Variants in KCNQ1OT1 observed in about 807,000 individuals in gnomAD.
KCNQ1OT1 encodes the protein KCNQ1 antisense RNA 2 (non-protein coding).
At position 2,682,634 on chromosome 11, in the gene KCNQ1OT1, C is replaced by CT. The variant is rs1443866896; in HGVS notation, n.17360_17361insA. On this transcript the variant is annotated non_coding_transcript_exon_variant, in exon 1 of 1. Coordinates refer to ENST00000597346, the Ensembl canonical transcript of KCNQ1OT1. This position sits in a 1 kb window ranked among gnomAD's most constrained non-coding sequence, Gnocchi z 5.8. ...TTGAGAGCTCTTCTTCAGGCTCAGT[C>CT]ATCCCTGCTTCCCCAGGGCTCATGT... The CT allele has an allele frequency of 7.5e-6, 3 of 398,484 alleles. No homozygotes were observed. Among genetic ancestry groups the CT allele is most frequent in the African/African-American group, 2.1e-5 (1 of 48,602 alleles). 24.7% of individuals were successfully genotyped at this position (398,484 alleles called of 1,614,324 possible).
exon 1 of KCNQ1OT1, chr11:2,692,118 A>G: frequency 2.5e-6 from 1 of 398,658 alleles, no homozygotes; most frequent in Non-Finnish European, 4.4e-6. Flanking sequence ...CCATCATTTT[A>G]TAGCCCACTC....
In KCNQ1OT1 at chr11:2,668,970, G is replaced by C; in HGVS notation, n.31025C>G. ...CACTCCATCTGGGATTGATTTTTGTGTCCAATGTGAGGCCGAGGTCAAGGT... is the reference window on the plus strand; with the variant it reads ...CACTCCATCTGGGATTGATTTTTGTCTCCAATGTGAGGCCGAGGTCAAGGT... On this transcript the variant is annotated non_coding_transcript_exon_variant, in exon 1 of 1. Transcript: ENST00000597346. This position sits in a 1 kb window ranked among gnomAD's most constrained non-coding sequence, Gnocchi z 4.3. The C allele has an allele frequency of 2.5e-6, 1 of 398,566 alleles. No homozygotes were observed. The highest frequency in any genetic ancestry group is 3.6e-5 in the East Asian group (1 of 28,082). The allele number at this position is 398,566 out of a possible 1,614,324, so 24.7% of individuals were successfully genotyped here.
At chr11:2,609,618 T>C (rs986719442) in exon 1 of KCNQ1OT1, 71 of 398,430 alleles carry the variant, frequency 1.8e-4, no homozygotes, top group African/African-American at 1.4e-3. Context: ...GAAAGTGGAG[T>C]GTTGAAGTCT....
In KCNQ1OT1 at chr11:2,676,598, C is replaced by A. The variant is rs1277422680; in HGVS notation, n.23397G>T. On this transcript the variant is annotated non_coding_transcript_exon_variant, in exon 1 of 1. Transcript: ENST00000597346. This position sits in a 1 kb window ranked among gnomAD's most constrained non-coding sequence, Gnocchi z 4.2. ...TACTGGGTATTCAACAGCCAGCTCT[C>A]CAAAGAGGCCTCTAAGAAATGGGTA... 1 of 398,508 alleles carries A rather than the reference C, an allele frequency of 2.5e-6. No homozygotes were observed. Among genetic ancestry groups the A allele is most frequent in the Non-Finnish European group, 4.4e-6 (1 of 226,076 alleles). The allele number at this position is 398,508 out of a possible 1,614,324, so 24.7% of individuals were successfully genotyped here.
rs1009683548 is a variant in KCNQ1OT1 at position 2,674,831 on chromosome 11, TTAAAA to T, written n.25159_25163del. On this transcript the variant is annotated non_coding_transcript_exon_variant, in exon 1 of 1. Transcript: ENST00000597346. This position sits in a 1 kb window ranked among gnomAD's most constrained non-coding sequence, Gnocchi z 5.9. ...GGCTTGTCACCCTAATAGCTGTTTT[TTAAAA>T]AAAAAAAAAAAAAAAAAAAAAAAAG... 35 of 367,652 alleles carry T rather than the reference TTAAAA, an allele frequency of 9.5e-5. No individual in the cohort carries two copies. The highest frequency in any genetic ancestry group is 2.6e-4 in the East Asian group (7 of 26,700). 22.8% of individuals were successfully genotyped at this position (367,652 alleles called of 1,614,324 possible). A position where few individuals can be genotyped will look rare whatever the true frequency, so the allele number is the denominator to read the frequency against.
exon 1 of KCNQ1OT1, chr11:2,650,980 T>C (rs1849748119): frequency 5.0e-6 from 2 of 398,548 alleles, no homozygotes; most frequent in Non-Finnish European, 8.8e-6. Context: ...GTATGTCTTA[T>C]CAACTCTCTG....
chr11:2,675,958 C>A (rs867994213), exon 1 of KCNQ1OT1: 1 of 398,630 alleles, frequency 2.5e-6, no homozygotes. Context: ...ATTCAGAGTA[C>A]AAAAGGGGTG....
chr11:2,696,498 G>T (rs1452471337), exon 1 of KCNQ1OT1: 20 of 398,680 alleles, frequency 5.0e-5, no homozygotes, highest in Middle Eastern at 1.3e-3. Flanking sequence ...GTATCTGCCA[G>T]CAGAAGTCCT....
chr11:2,663,768 G>A lies in KCNQ1OT1; in HGVS notation n.36227C>T. 1 of 398,700 alleles carries A rather than the reference G, an allele frequency of 2.5e-6. No individual in the cohort carries two copies. Among genetic ancestry groups the A allele is most frequent in the Non-Finnish European group, 4.4e-6 (1 of 226,116 alleles). The allele number at this position is 398,700 out of a possible 1,614,324, so 24.7% of individuals were successfully genotyped here. On this transcript the variant is annotated non_coding_transcript_exon_variant, in exon 1 of 1. Transcript: ENST00000597346. This position sits in a 1 kb window ranked among gnomAD's most constrained non-coding sequence, Gnocchi z 5.2. ...AGACCAGGCACTTATGTGGATCACA[G>A]CCAAACTTGCAGCTGCCCAGTAAAT...
rs533874206 is a variant in KCNQ1OT1 at position 2,687,644 on chromosome 11, T to C, written n.12351A>G. On this transcript the variant is annotated non_coding_transcript_exon_variant, in exon 1 of 1. Coordinates refer to ENST00000597346, the Ensembl canonical transcript of KCNQ1OT1. The surrounding 1 kb of genome is among the most constrained non-coding windows in gnomAD (Gnocchi z 5.0). ...CATTCCTCTCAGGCCCCTGTAAAAA[T>C]TGGGACCTGTCCTTGCCAGCCAGGT... 48 of 398,626 alleles carry C rather than the reference T, an allele frequency of 1.2e-4. No individual in the cohort carries two copies. The highest frequency in any genetic ancestry group is 7.2e-4 in the African/African-American group (35 of 48,720). The allele number at this position is 398,626 out of a possible 1,614,324, so 24.7% of individuals were successfully genotyped here.
chr11:2,656,621 A>C (rs1264301806), exon 1 of KCNQ1OT1: 1 of 398,470 alleles, frequency 2.5e-6, no homozygotes, highest in Non-Finnish European at 4.4e-6. Flanking sequence ...TTTTCTATTA[A>C]GTCATTTATA....
chr11:2,660,129 C>T (rs1849925561), exon 1 of KCNQ1OT1: 1 of 398,214 alleles, frequency 2.5e-6, no homozygotes, highest in South Asian at 1.3e-4. Flanking sequence ...ATCCAAGGTC[C>T]TGGAGATTTT....
At chr11:2,694,679 G>A (rs1469846746) in exon 1 of KCNQ1OT1, 2 of 398,518 alleles carry the variant, frequency 5.0e-6, no homozygotes, top group Non-Finnish European at 8.8e-6. Context: ...CTATACGGAA[G>A]ACAGATATGC....
rs1850363646 is a variant in KCNQ1OT1 at position 2,679,975 on chromosome 11, C to T, written n.20020G>A. On this transcript the variant is annotated non_coding_transcript_exon_variant, in exon 1 of 1. Coordinates refer to ENST00000597346, the Ensembl canonical transcript of KCNQ1OT1. The surrounding 1 kb of genome is among the most constrained non-coding windows in gnomAD (Gnocchi z 4.8). ...GTGGCACAGTCTCGGCTTACTGCAA[C>T]CTCTACCTCCTGGGTTCAAGCAATT... is the stretch of plus-strand genomic sequence containing the variant. 2 of 396,918 alleles carry T rather than the reference C, an allele frequency of 5.0e-6. No homozygotes were observed. Among genetic ancestry groups the T allele is most frequent in the Admixed American group, 4.4e-5 (1 of 22,654 alleles). 24.6% of individuals were successfully genotyped at this position (396,918 alleles called of 1,614,324 possible). A position where few individuals can be genotyped will look rare whatever the true frequency, so the allele number is the denominator to read the frequency against.
In KCNQ1OT1 at chr11:2,698,940, T is replaced by A. The variant is rs539935333; in HGVS notation, n.1055A>T. On this transcript the variant is annotated non_coding_transcript_exon_variant, in exon 1 of 1. Transcript: ENST00000597346. The surrounding 1 kb of genome is among the most constrained non-coding windows in gnomAD (Gnocchi z 5.1). ...TGTGGACCCTAGACCCGAATTCTGATCCCAACTAGGATACCTAACTCAGAA... is the reference window on the plus strand; with the variant it reads ...TGTGGACCCTAGACCCGAATTCTGAACCCAACTAGGATACCTAACTCAGAA... 7.5e-6 allele frequency: 3 copies of A among 398,476 alleles called. No homozygotes were observed. The South Asian group carries it at 3.8e-4, about 51-fold the overall frequency. 24.7% of individuals were successfully genotyped at this position (398,476 alleles called of 1,614,324 possible).
chr11:2,699,495 GCCGCGC>G, exon 1 of KCNQ1OT1: 1 of 175,732 alleles, frequency 5.7e-6, no homozygotes, highest in Non-Finnish European at 8.9e-6. Flanking sequence ...CGGGGAGAGT[GCCGCGC>G]TGAGGAGCCC....
exon 1 of KCNQ1OT1, chr11:2,631,294 C>A: frequency 2.5e-6 from 1 of 398,440 alleles, no homozygotes; most frequent in South Asian, 1.3e-4. Context: ...TATTTTTCTC[C>A]TCTACTGGTT....
In KCNQ1OT1 at chr11:2,627,321, CAG is replaced by C; in HGVS notation, n.72672_72673del. On this transcript the variant is annotated non_coding_transcript_exon_variant, in exon 1 of 1. Coordinates refer to ENST00000597346, the Ensembl canonical transcript of KCNQ1OT1. The surrounding 1 kb of genome is among the most constrained non-coding windows in gnomAD (Gnocchi z 4.9). ...TGCCATGTGTGTGCGTGTGTGTGGTCAGAATACCTAAGCTATACTCTCTTAGC... is the reference window on the plus strand; with the variant it reads ...TGCCATGTGTGTGCGTGTGTGTGGTCAATACCTAAGCTATACTCTCTTAGC... 2.5e-6 allele frequency: 1 copy of C among 398,450 alleles called. No homozygotes were observed. Among genetic ancestry groups the C allele is most frequent in the Non-Finnish European group, 4.4e-6 (1 of 226,024 alleles). The allele number at this position is 398,450 out of a possible 1,614,324, so 24.7% of individuals were successfully genotyped here.
chr11:2,677,562 A>G lies in KCNQ1OT1; in HGVS notation n.22433T>C, dbSNP rs147507739. On this transcript the variant is annotated non_coding_transcript_exon_variant, in exon 1 of 1. Coordinates refer to ENST00000597346, the Ensembl canonical transcript of KCNQ1OT1. This position sits in a 1 kb window ranked among gnomAD's most constrained non-coding sequence, Gnocchi z 4.5. ...ATAAAAGATGCCCTCAGATGTTACCATATAATGCTTTACAAAAGACAAACC... is the reference window on the plus strand; with the variant it reads ...ATAAAAGATGCCCTCAGATGTTACCGTATAATGCTTTACAAAAGACAAACC... The G allele has an allele frequency of 1.6e-3, 631 of 398,644 alleles. 1 individual carries two copies. Among genetic ancestry groups the G allele is most frequent in the African/African-American group, 0.012 (567 of 48,754 alleles). The allele number at this position is 398,644 out of a possible 1,614,324, so 24.7% of individuals were successfully genotyped here. A position where few individuals can be genotyped will look rare whatever the true frequency, so the allele number is the denominator to read the frequency against.
Sources: gnomAD v4.1 joint callset for allele counts on GRCh38, gnomAD v4.1.1 for gene constraint, Gnocchi (gnomAD v3.1) non-coding constraint, MANE v1.5 for transcripts, NCBI Gene and HGNC (gene_info 2026-07-23, HGNC 2026-07-21) for gene names.